GRID2: variants seen among roughly 807,000 people sequenced by gnomAD.
GRID2 encodes glutamate receptor ionotropic, delta-2.
GRID2 carries 33 observed loss-of-function variants against 114.8 expected under a neutral mutation model. That is an observed-to-expected ratio of 0.29 (90% CI 0.22 to 0.38). GRID2 has a LOEUF of 0.38. Ranked by LOEUF, GRID2 falls within the 10% of genes least tolerant of loss-of-function variation. The probability of loss-of-function intolerance (pLI) is 1.00; values close to 1 mark genes in which losing one functional copy is unlikely to be tolerated. For synonymous variants in GRID2, 505 were observed against 449.9 expected (o/e 1.12, Z -1.55); for missense variants, 1,184 against 1,257.7 (o/e 0.94, Z 0.89).
chr4:93,765,915 GA>G (rs2110325908), intron 14 of GRID2, among the ~76,000 whole-genome samples: 1 of 152,204 alleles, frequency 6.6e-6, no homozygotes, highest in African/African-American at 2.4e-5. Context: ...TGTCTGGAAT[GA>G]AGTCATTCTT....
At chr4:92,749,393 CA>C (rs1737326711) in intron 2 of GRID2, among the ~76,000 whole-genome samples, 1 of 146,146 alleles carries the variant, frequency 6.8e-6, no homozygotes, top group Non-Finnish European at 1.5e-5. Flanking sequence ...CAGCTCACTG[CA>C]ACCTCCGCCT....
intron 12 of GRID2, among the ~76,000 whole-genome samples, chr4:93,511,137 A>T (rs1729127842): frequency 6.6e-6 from 1 of 151,994 alleles, no homozygotes; most frequent in Non-Finnish European, 1.5e-5. Flanking sequence ...GGGTTTCACC[A>T]TGTTGGCCAG....
chr4:92,609,867 C>T (rs1019458505), intron 2 of GRID2, among the ~76,000 whole-genome samples: 9 of 151,594 alleles, frequency 5.9e-5, no homozygotes, highest in Non-Finnish European at 1.5e-5. Context: ...TATTTAGAAA[C>T]TCTGATCTTG....
intron 2 of GRID2, among the ~76,000 whole-genome samples, chr4:92,902,225 G>A (rs1747632606): frequency 6.6e-6 from 1 of 152,008 alleles, no homozygotes; most frequent in South Asian, 2.1e-4. Context: ...TTTAGTTTAT[G>A]AGTGTAGAGA....
At chr4:93,493,588 C>A (rs1727238463) in intron 12 of GRID2, among the ~76,000 whole-genome samples, 1 of 150,606 alleles carries the variant, frequency 6.6e-6, no homozygotes, top group Non-Finnish European at 1.5e-5. Context: ...AATTTGTTTG[C>A]TTGATATGGT....
chr4:92,449,175 G>A (rs973505680), intron 1 of GRID2, among the ~76,000 whole-genome samples: 1 of 151,944 alleles, frequency 6.6e-6, no homozygotes, highest in African/African-American at 2.4e-5. Context: ...ATGTCACTAA[G>A]GTTTTACCAT....
intron 2 of GRID2, among the ~76,000 whole-genome samples, chr4:92,813,061 TC>T (rs1473728327): frequency 6.6e-6 from 1 of 152,160 alleles, no homozygotes; most frequent in Non-Finnish European, 1.5e-5. Flanking sequence ...CCTTTAGATT[TC>T]CTTCAGACTC....
At chr4:93,159,435 G>A (rs1737477662) in intron 4 of GRID2, among the ~76,000 whole-genome samples, 1 of 151,760 alleles carries the variant, frequency 6.6e-6, no homozygotes, top group African/African-American at 2.4e-5. Context: ...ATTGCAGATA[G>A]GATGCTCCTT....
At chr4:92,586,349 A>C (rs1728439869) in intron 1 of GRID2, among the ~76,000 whole-genome samples, 1 of 147,754 alleles carries the variant, frequency 6.8e-6, no homozygotes, top group Admixed American at 6.9e-5. Flanking sequence ...TCAAGCACAA[A>C]AAATCTACAC....
intron 8 of GRID2, among the ~76,000 whole-genome samples, chr4:93,358,434 A>G (rs923656844): frequency 6.6e-6 from 1 of 151,946 alleles, no homozygotes; most frequent in Non-Finnish European, 1.5e-5. Context: ...AATTGTATAT[A>G]CCAAAGAGAA....
rs537731979 is a variant in GRID2, at chr4:92,715,082, T to C, written c.244+124796T>C. ...TTTCCCTTATGACATTGAATGCCTT[T>C]AATAGCACCCAAGTCGCCTCTTTTG... On this transcript the variant is annotated intron_variant, in intron 2 of 15. Transcript: ENST00000282020. Among the ~76,000 whole-genome samples, 3 of 152,330 alleles carry C rather than the reference T, an allele frequency of 2.0e-5. No individual in the cohort carries two copies. In the South Asian group the frequency reaches 6.2e-4, roughly 32 times the overall value.
At chr4:93,126,801 G>T (rs377764030) in intron 4 of GRID2, among the ~76,000 whole-genome samples, 1 of 151,384 alleles carries the variant, frequency 6.6e-6, no homozygotes, top group Non-Finnish European at 1.5e-5. Flanking sequence ...GTTTCACCGT[G>T]TTAGCCAGGA....
chr4:92,331,454 C>T (rs1358362301), intron 1 of GRID2, among the ~76,000 whole-genome samples: 1 of 152,066 alleles, frequency 6.6e-6, no homozygotes, highest in African/African-American at 2.4e-5. Context: ...TTTTGCTGCT[C>T]CCATGAGGAA....
chr4:93,055,539 C>A (rs776255110), intron 2 of GRID2, among the ~76,000 whole-genome samples: 6 of 151,758 alleles, frequency 4.0e-5, no homozygotes, highest in African/African-American at 7.3e-5. Flanking sequence ...ACAACAACAA[C>A]AAAAACATAT....
At chr4:93,779,208 C>CTTTTTTTTT, downstream of GRID2, among the ~76,000 whole-genome samples, 1 of 144,226 alleles carries the variant, frequency 6.9e-6, no homozygotes, top group Non-Finnish European at 1.5e-5. Flanking sequence ...GTCTCTTTCC[C>CTTTTTTTTT]TTTTTTTTTT....
chr4:93,607,859 A>G (rs1332746752), intron 13 of GRID2, among the ~76,000 whole-genome samples: 1 of 151,992 alleles, frequency 6.6e-6, no homozygotes, highest in African/African-American at 2.4e-5. Flanking sequence ...TTTATTTTGC[A>G]CACGCTATTC....
chr4:92,865,266 C>T (rs1744781597), intron 2 of GRID2, among the ~76,000 whole-genome samples: 1 of 152,068 alleles, frequency 6.6e-6, no homozygotes, highest in Admixed American at 6.5e-5. Context: ...TGAAAGAAAC[C>T]CTGTTATAAA....
At chr4:93,233,659 A>C (rs1347426692) in intron 7 of GRID2, among the ~76,000 whole-genome samples, 2 of 152,012 alleles carry the variant, frequency 1.3e-5, no homozygotes, top group Admixed American at 6.6e-5. Flanking sequence ...GAGGTATTTT[A>C]AACAGGGTGG....
intron 8 of GRID2, among the ~76,000 whole-genome samples, chr4:93,273,254 A>G (rs562141439): frequency 6.3e-4 from 96 of 152,206 alleles, no homozygotes; most frequent in Admixed American, 9.8e-4. Context: ...TTACATATGA[A>G]TGAATAGAAA....
Sources: allele counts gnomAD v4.1 joint callset (sites outside exome capture counted in the v4.1 genomes callset), GRCh38; gene constraint gnomAD v4.1.1; transcripts MANE v1.5; gene names NCBI Gene and HGNC (gene_info 2026-07-23, HGNC 2026-07-21).